Variants in PAPOLA observed in about 807,000 individuals in gnomAD.
PAPOLA encodes the protein polynucleotide adenylyltransferase alpha.
A neutral mutation model predicts 100.6 loss-of-function variants in PAPOLA; 15 were observed. That is an observed-to-expected ratio of 0.15 (90% CI 0.10 to 0.23). PAPOLA has a LOEUF of 0.23. PAPOLA is among the 10% of genes least tolerant of loss of function. The pLI is 1.00. For missense variants in PAPOLA, 533 were observed against 884.2 expected (o/e 0.60, Z 5.04); for synonymous variants, 293 against 300.0 (o/e 0.98, Z 0.24).
chr14:96,504,945 C>T (rs1896609532), intron 1 of PAPOLA, among the ~76,000 whole-genome samples: 1 of 151,978 alleles, frequency 6.6e-6, no homozygotes, highest in Admixed American at 6.6e-5. Flanking sequence ...GGCATGGACC[C>T]TAGGTGAGTT....
chr14:96,512,410 A>G (rs546777458), intron 1 of PAPOLA, among the ~76,000 whole-genome samples: 4 of 152,318 alleles, frequency 2.6e-5, no homozygotes, highest in Admixed American at 2.0e-4. Context: ...CTATATGACT[A>G]CATATTGTAA....
chr14:96,552,499 A>G lies in PAPOLA; in HGVS notation c.1541A>G (p.Lys514Arg), dbSNP rs371267924. The change falls in exon 17 of 22, where the codon AAA becomes AGA. Residue 514 changes from lysine to arginine, a missense_variant. By Grantham distance (26) the Lys-to-Arg change is conservative. Transcript: ENST00000216277. ...KKKKHSTEGVKLTALNDSSLD... is the reference protein window; with the variant it reads ...KKKKHSTEGVRLTALNDSSLD... ...TTGCAGCATTCAACAGAAGGTGTCA[A>G]ATTGACAGCTCTCAATGACAGCAGC... 1.7e-5 allele frequency: 27 copies of G among 1,613,638 alleles called. No homozygotes were observed. Among genetic ancestry groups the G allele is most frequent in the Non-Finnish European group, 2.3e-5 (27 of 1,179,672 alleles).
chr14:96,541,721 GA>G (rs1439284479), intron 12 of PAPOLA, among the ~76,000 whole-genome samples: 1 of 151,516 alleles, frequency 6.6e-6, no homozygotes, highest in African/African-American at 2.4e-5. Flanking sequence ...TTAAAATTGG[GA>G]AAAAAATCAC....
intron 4 of PAPOLA, among the ~76,000 whole-genome samples, chr14:96,525,738 C>G (rs892283629): frequency 2.0e-5 from 3 of 152,088 alleles, no homozygotes; most frequent in Non-Finnish European, 2.9e-5. Flanking sequence ...GGTGACAGAA[C>G]AAGACCCCGT....
intron 20 of PAPOLA, 94 bp downstream of exon 20, chr14:96,560,805 G>A: frequency 1.2e-6 from 1 of 860,824 alleles, no homozygotes; most frequent in South Asian, 1.6e-5. Context: ...TGTGCTATAG[G>A]TTTTAGATTT....
chr14:96,534,219 T>A (rs977612555), intron 9 of PAPOLA: 3 of 1,247,836 alleles, frequency 2.4e-6, no homozygotes, highest in African/African-American at 1.5e-5. Context: ...GGATGGTACT[T>A]CTTTATTTAA....
In PAPOLA at chr14:96,565,948, G is replaced by A; in HGVS notation, c.*898G>A. ...AAACAAAATGCCAGTATTTTCTTAAGCCATGATGTGAAACCAATGACCCTG... is the reference window on the plus strand; with the variant it reads ...AAACAAAATGCCAGTATTTTCTTAAACCATGATGTGAAACCAATGACCCTG... On this transcript the variant is annotated 3_prime_UTR_variant, in exon 22 of 22. Transcript: ENST00000216277. 1 of 398,268 alleles carries A rather than the reference G, an allele frequency of 2.5e-6. No individual in the cohort carries two copies. Among genetic ancestry groups the A allele is most frequent in the Non-Finnish European group, 4.4e-6 (1 of 225,504 alleles). The allele number at this position is 398,268 out of a possible 1,614,324, so 24.7% of individuals were successfully genotyped here. A position where few individuals can be genotyped will look rare whatever the true frequency, so the allele number is the denominator to read the frequency against.
chr14:96,528,802 C>T (rs1898734156), intron 6 of PAPOLA, among the ~76,000 whole-genome samples: 1 of 151,894 alleles, frequency 6.6e-6, no homozygotes, highest in South Asian at 2.1e-4. Context: ...ATAAGACGCT[C>T]AACTCTGTAT....
Position 96,556,206 on chromosome 14 carries a change from C to A in PAPOLA, c.1797C>A (p.Ala599=). 1 of 1,613,980 alleles carries A rather than the reference C, an allele frequency of 6.2e-7. No homozygotes were observed. ...GTSSESIPQT[A]TQPAISPPPK... ...CGAGTGAAAGCATTCCTCAAACTGC[C>A]ACACAACCAGCCATTTCTCCACCAC... The change falls in exon 19 of 22, where the codon GCC becomes GCA. Residue 599 remains alanine (A), a synonymous_variant. Coordinates refer to ENST00000216277, the MANE Select transcript of PAPOLA (RefSeq NM_032632.5).
rs1024909094 is a variant in PAPOLA, at chr14:96,565,577, A to C, written c.*527A>C. ...TACTTCAGAGAAAGGGTAAGAGTAC[A>C]TCTAGTTCAGTTCCTATGAGGTAGC... On this transcript the variant is annotated 3_prime_UTR_variant, in exon 22 of 22. Transcript: ENST00000216277. 11 of 395,634 alleles carry C rather than the reference A, an allele frequency of 2.8e-5. No homozygotes were observed. Among genetic ancestry groups the C allele is most frequent in the South Asian group, 1.4e-4 (1 of 7,124 alleles). The allele number at this position is 395,634 out of a possible 1,614,324, so 24.5% of individuals were successfully genotyped here. A position where few individuals can be genotyped will look rare whatever the true frequency, so the allele number is the denominator to read the frequency against.
Position 96,565,972 on chromosome 14 carries a change from TG to T in PAPOLA, c.*923del. On this transcript the variant is annotated 3_prime_UTR_variant, in exon 22 of 22. Transcript: ENST00000216277. Reference sequence around the variant, plus strand: ...AGCCATGATGTGAAACCAATGACCCTGTGACCACATGGCACAGAACACTAAA... The same window carrying T: ...AGCCATGATGTGAAACCAATGACCCTTGACCACATGGCACAGAACACTAAA... The T allele has an allele frequency of 2.5e-6, 1 of 398,200 alleles. No individual in the cohort carries two copies. Among genetic ancestry groups the T allele is most frequent in the Non-Finnish European group, 4.4e-6 (1 of 225,386 alleles). The allele number at this position is 398,200 out of a possible 1,614,324, so 24.7% of individuals were successfully genotyped here.
rs925025832 is a variant in PAPOLA at position 96,556,040 on chromosome 14, T to C, written c.1765+93T>C. The C allele has an allele frequency of 2.6e-6, 3 of 1,167,250 alleles. No individual in the cohort carries two copies. The Admixed American group carries it at 5.8e-5, about 23-fold the overall frequency. 72.3% of individuals were successfully genotyped at this position (1,167,250 alleles called of 1,614,324 possible). On this transcript the variant is annotated intron_variant, in intron 18 of 21. Coordinates refer to ENST00000216277, the MANE Select transcript of PAPOLA (RefSeq NM_032632.5). ...AAGTGGGTTTGTTAAGTAGTTGAAA[T>C]TCAGTTTTTTAAATGCCAGTTTATT...
In PAPOLA at chr14:96,565,091, A is replaced by G. The variant is rs758428847; in HGVS notation, c.*41A>G. ...TCCATAAACAATATCTGCCAACTCA[A>G]CCTGTTGTCTTCAAATGCTAAAAAA... On this transcript the variant is annotated 3_prime_UTR_variant, in exon 22 of 22. Transcript: ENST00000216277. 8 of 969,064 alleles carry G rather than the reference A, an allele frequency of 8.3e-6. No homozygotes were observed. The Admixed American group carries it at 8.5e-5, about 10-fold the overall frequency. The allele number at this position is 969,064 out of a possible 1,614,324, so 60.0% of individuals were successfully genotyped here.
chr14:96,550,810 C>G (rs905796999), intron 16 of PAPOLA, among the ~76,000 whole-genome samples: 22 of 152,290 alleles, frequency 1.4e-4, no homozygotes, highest in African/African-American at 5.3e-4. Flanking sequence ...TAACAAGTGT[C>G]TAGGAGTCAA....
At chr14:96,525,444 A>T in intron 4 of PAPOLA, 53 bp downstream of exon 4, 1 of 730,038 alleles carries the variant, frequency 1.4e-6, no homozygotes, top group Non-Finnish European at 2.3e-6. Flanking sequence ...CTTAAAAATT[A>T]TGACATACCC....
At chr14:96,513,146 C>A (rs1897219693) in intron 1 of PAPOLA, among the ~76,000 whole-genome samples, 1 of 152,194 alleles carries the variant, frequency 6.6e-6, no homozygotes, top group Non-Finnish European at 1.5e-5. Flanking sequence ...TCACTACAGC[C>A]TCAGCTTCCT....
intron 15 of PAPOLA, among the ~76,000 whole-genome samples, chr14:96,545,499 G>A (rs1308474571): frequency 1.3e-5 from 2 of 152,012 alleles, no homozygotes; most frequent in Admixed American, 6.6e-5. Flanking sequence ...ATTTTGATAT[G>A]CTTGGTGGTA....
intron 1 of PAPOLA, among the ~76,000 whole-genome samples, chr14:96,510,986 A>G (rs375078268): frequency 1.3e-5 from 2 of 152,236 alleles, no homozygotes; most frequent in South Asian, 2.1e-4. Context: ...CCTTTGAATG[A>G]GCACATTAAG....
At chr14:96,559,341 T>C (rs1467699113) in intron 19 of PAPOLA, among the ~76,000 whole-genome samples, 1 of 151,908 alleles carries the variant, frequency 6.6e-6, no homozygotes, top group Non-Finnish European at 1.5e-5. Flanking sequence ...GTACTTGGTA[T>C]TAGAAATTTT....
Sources: allele counts gnomAD v4.1 joint callset (sites outside exome capture counted in the v4.1 genomes callset), GRCh38; gene constraint gnomAD v4.1.1; transcripts MANE v1.5; gene names NCBI Gene and HGNC (gene_info 2026-07-23, HGNC 2026-07-21).